Variants in SLC2A13 observed in about 807,000 individuals in gnomAD.
SLC2A13 encodes the protein proton myo-inositol cotransporter.
In SLC2A13, 32 loss-of-function variants were observed where a neutral mutation model predicts 64.4. That is an observed-to-expected ratio of 0.50 (90% CI 0.37 to 0.67). The LOEUF is 0.67. Among genes scored for constraint, SLC2A13 ranks in the 30% least tolerant of loss-of-function variants. The pLI, the probability that SLC2A13 is intolerant of heterozygous loss-of-function variation, is 0.00. For missense variants in SLC2A13, 743 were observed against 829.2 expected, an observed-to-expected ratio of 0.90 and a Z score of 1.28; for synonymous variants, 338 against 327.1, an observed-to-expected ratio of 1.03 and a Z score of -0.36.
intron 7 of SLC2A13, among the ~76,000 whole-genome samples, chr12:39,773,949 G>A (rs1940676157): frequency 6.6e-6 from 1 of 152,184 alleles, no homozygotes; most frequent in African/African-American, 2.4e-5. Context: ...TTACTGAGGA[G>A]TGTCAGTGAA....
rs895416930 is a variant in SLC2A13, at chr12:39,840,960, C to T, written c.1320-10732G>A. Among the ~76,000 whole-genome samples, 3 of 152,104 alleles carry T rather than the reference C, an allele frequency of 2.0e-5. No individual in the cohort carries two copies. In the East Asian group the frequency reaches 5.8e-4, roughly 29 times the overall value. ...TAGTTCCATCAGACACCTCGTTCTC[C>T]ATTTCAGTCCATGAAGATAACAAGA... is the stretch of plus-strand genomic sequence containing the variant. On this transcript the variant is annotated intron_variant, in intron 6 of 9. Coordinates refer to ENST00000280871, the MANE Select transcript of SLC2A13 (RefSeq NM_052885.4).
Position 39,918,362 on chromosome 12 carries a change from C to CTTTTTT in SLC2A13, c.1034+32889_1034+32894dup, listed in dbSNP as rs5797644. Among the ~76,000 whole-genome samples, 9 of 147,306 alleles carry CTTTTTT rather than the reference C, an allele frequency of 6.1e-5. 4 individuals are homozygous for CTTTTTT. Among genetic ancestry groups the CTTTTTT allele is most frequent in the Non-Finnish European group, 6.0e-5 (4 of 67,100 alleles). On this transcript the variant is annotated intron_variant, in intron 4 of 9. Transcript: ENST00000280871. ...GAATGTATAACAGAACAGAAGTTTC[C>CTTTTTT]TTTTTTTTTTTTTTTCGGTACGAAA...
chr12:39,947,290 T>C (rs550883080), intron 4 of SLC2A13, among the ~76,000 whole-genome samples: 2 of 152,354 alleles, frequency 1.3e-5, no homozygotes, highest in African/African-American at 4.8e-5. Context: ...CCTTTACTAC[T>C]GTTTTTCTGT....
chr12:39,889,464 T>TAGTC, intron 4 of SLC2A13, among the ~76,000 whole-genome samples: 1 of 151,898 alleles, frequency 6.6e-6, no homozygotes, highest in Middle Eastern at 3.4e-3. Flanking sequence ...ATTTGCAAGG[T>TAGTC]AGTCATATAC....
chr12:39,836,293 A>G (rs899765917), intron 6 of SLC2A13, among the ~76,000 whole-genome samples: 1 of 152,162 alleles, frequency 6.6e-6, no homozygotes, highest in African/African-American at 2.4e-5. Flanking sequence ...GATATATTAG[A>G]AACTCAAATA....
intron 1 of SLC2A13, among the ~76,000 whole-genome samples, chr12:40,054,396 A>G (rs1450499526): frequency 6.6e-6 from 1 of 152,212 alleles, no homozygotes; most frequent in African/African-American, 2.4e-5. Context: ...CAAGTTATTA[A>G]TAGTCCATAC....
intron 7 of SLC2A13, among the ~76,000 whole-genome samples, chr12:39,783,462 G>T (rs949648318): frequency 2.6e-5 from 4 of 152,152 alleles, no homozygotes; most frequent in Admixed American, 6.5e-5. Context: ...TTCCACAATG[G>T]TTGAACTAGT....
intron 6 of SLC2A13, among the ~76,000 whole-genome samples, chr12:39,840,444 T>A (rs1218298538): frequency 2.6e-5 from 4 of 152,044 alleles, no homozygotes; most frequent in Admixed American, 2.6e-4. Context: ...ATCATACTCC[T>A]TTTATGGCAT....
intron 1 of SLC2A13, among the ~76,000 whole-genome samples, chr12:40,049,193 C>A (rs1025980581): frequency 7.3e-5 from 11 of 150,314 alleles, no homozygotes. Flanking sequence ...TGTATCTAAT[C>A]AATACTTACC....
At chr12:39,922,975 T>A (rs1455738995) in intron 4 of SLC2A13, among the ~76,000 whole-genome samples, 1 of 152,132 alleles carries the variant, frequency 6.6e-6, no homozygotes, top group Non-Finnish European at 1.5e-5. Context: ...AAATGAAGAA[T>A]AATTGAAAAC....
chr12:39,978,250 T>G (rs540644120), intron 3 of SLC2A13, among the ~76,000 whole-genome samples: 3 of 152,334 alleles, frequency 2.0e-5, no homozygotes, highest in East Asian at 1.9e-4. Flanking sequence ...GAAGAACTCT[T>G]AATTGGTGAA....
chr12:40,051,103 A>T (rs1240066292), intron 1 of SLC2A13, among the ~76,000 whole-genome samples: 2 of 152,154 alleles, frequency 1.3e-5, no homozygotes, highest in Non-Finnish European at 2.9e-5. Flanking sequence ...GCTATGAAGG[A>T]AAGTACACAC....
At chr12:40,093,388 T>C (rs1386589541) in intron 1 of SLC2A13, among the ~76,000 whole-genome samples, 2 of 152,184 alleles carry the variant, frequency 1.3e-5, no homozygotes, top group African/African-American at 4.8e-5. Flanking sequence ...AAATATTTAC[T>C]AGATGCCTGC....
At chr12:40,003,325 T>C (rs1947349925) in intron 3 of SLC2A13, among the ~76,000 whole-genome samples, 1 of 152,186 alleles carries the variant, frequency 6.6e-6, no homozygotes, top group African/African-American at 2.4e-5. Flanking sequence ...TCAATGCATA[T>C]CATTTTTAAT....
At chr12:39,767,800 G>C (rs559131570) in intron 7 of SLC2A13, among the ~76,000 whole-genome samples, 1 of 152,186 alleles carries the variant, frequency 6.6e-6, no homozygotes, top group African/African-American at 2.4e-5. Context: ...GAGTTCTCAT[G>C]AGATCTGAAG....
chr12:39,896,150 G>T (rs970709300), intron 4 of SLC2A13, among the ~76,000 whole-genome samples: 3 of 143,938 alleles, frequency 2.1e-5, no homozygotes, highest in Non-Finnish European at 4.6e-5. Context: ...ACCTATATAT[G>T]TATACACGTG....
intron 7 of SLC2A13, among the ~76,000 whole-genome samples, chr12:39,784,597 T>G (rs1049749872): frequency 6.6e-6 from 1 of 152,206 alleles, no homozygotes; most frequent in Admixed American, 6.5e-5. Context: ...AATACTTAAA[T>G]GTTAGACCTA....
chr12:39,840,622 T>C (rs984278502), intron 6 of SLC2A13, among the ~76,000 whole-genome samples: 1 of 151,990 alleles, frequency 6.6e-6, no homozygotes, highest in Non-Finnish European at 1.5e-5. Context: ...TTTCCTATAC[T>C]TCCTTTGCTT....
At chr12:40,090,756 A>G (rs901829564) in intron 1 of SLC2A13, among the ~76,000 whole-genome samples, 7 of 152,214 alleles carry the variant, frequency 4.6e-5, no homozygotes, top group Non-Finnish European at 1.0e-4. Context: ...TAATCAGGTT[A>G]TAAACCTTTT....
Sources: gnomAD v4.1 joint callset for allele counts (sites outside exome capture counted in the v4.1 genomes callset) on GRCh38, gnomAD v4.1.1 for gene constraint, MANE v1.5 for transcripts, NCBI Gene and HGNC (gene_info 2026-07-23, HGNC 2026-07-21) for gene names.